Variants in HAUS6 observed in about 807,000 individuals in gnomAD.
HAUS6 encodes HAUS augmin like complex subunit 6.
HAUS6 carries 80 observed loss-of-function variants against 106.8 expected under a neutral mutation model. That is an observed-to-expected ratio of 0.75 (90% CI 0.63 to 0.90). The LOEUF is 0.90. Ranked by LOEUF, HAUS6 falls within the 40% of genes least tolerant of loss-of-function variation. The probability of loss-of-function intolerance (pLI) is 0.00; values close to 1 mark genes in which losing one functional copy is unlikely to be tolerated. For synonymous variants in HAUS6, 356 were observed against 379.1 expected, an observed-to-expected ratio of 0.94 and a Z score of 0.71; for missense variants, 1,155 against 1,118.1, an observed-to-expected ratio of 1.03 and a Z score of -0.47.
chr9:19,101,999 A>G (rs1817998535), intron 1 of HAUS6, among the ~76,000 whole-genome samples: 1 of 152,200 alleles, frequency 6.6e-6, no homozygotes, highest in South Asian at 2.1e-4. Flanking sequence ...AGAAGTGGAA[A>G]AAGTAGGGAA....
Position 19,089,429 on chromosome 9 carries a change from T to G in HAUS6, c.567A>C (p.Lys189Asn). Reference sequence around the variant, plus strand: ...CTACTTACTGTGCATTTTCCTGATATTTTTGGGTAACACAATCTTGTCTTT... The same window carrying G: ...CTACTTACTGTGCATTTTCCTGATAGTTTTGGGTAACACAATCTTGTCTTT... The part of the protein sequence containing the change: ...ILQRQDCVTQ[K>N]YQENAQLSVK... Residue 189 changes from lysine (K) to asparagine (N), a missense_variant, in exon 5 of 17, where the codon AAA becomes AAC. Transcript: ENST00000380502. The G allele has an allele frequency of 6.2e-7, 1 of 1,608,174 alleles. No homozygotes were observed. Among genetic ancestry groups the G allele is most frequent in the Non-Finnish European group, 8.5e-7 (1 of 1,174,662 alleles).
intron 12 of HAUS6, among the ~76,000 whole-genome samples, chr9:19,063,959 T>A (rs934628926): frequency 7.5e-6 from 1 of 132,840 alleles, no homozygotes; most frequent in African/African-American, 3.3e-5. Context: ...TTGTAGCAGA[T>A]CCTTTATTTT....
intron 1 of HAUS6, among the ~76,000 whole-genome samples, chr9:19,099,127 A>C (rs1817928707): frequency 6.6e-6 from 1 of 151,456 alleles, no homozygotes; most frequent in African/African-American, 2.4e-5. Context: ...TATAAAATGT[A>C]AGTGAATAAA....
rs962134133 is a variant in HAUS6, at chr9:19,078,179, A to G, written c.1188T>C (p.Thr396=). ...LSPFSLIKGW[T]PSVDLLPPMS... is the part of the protein sequence containing the mutation. ...GGGGCAAGTCAACATTACTTACTGGAGTCCAACCTTTAATTAGACTGAAAG... is the reference window on the plus strand; with the variant it reads ...GGGGCAAGTCAACATTACTTACTGGGGTCCAACCTTTAATTAGACTGAAAG... The change falls in exon 10 of 17, where the codon ACT becomes ACC. Residue 396 remains threonine, a synonymous_variant. Transcript: ENST00000380502. 8.7e-6 allele frequency: 14 copies of G among 1,606,678 alleles called. No homozygotes were observed. The highest frequency in any genetic ancestry group is 1.2e-5 in the Non-Finnish European group (14 of 1,176,810).
At chr9:19,085,568 C>T (rs918537293) in intron 7 of HAUS6, among the ~76,000 whole-genome samples, 1 of 149,358 alleles carries the variant, frequency 6.7e-6, no homozygotes, top group African/African-American at 2.5e-5. Flanking sequence ...AGCAGCTTGG[C>T]ATGGCAATCA....
rs115871347 is a variant in HAUS6 at position 19,096,998 on chromosome 9, G to A, written c.129-229C>T. On this transcript the variant is annotated intron_variant, in intron 1 of 16. Coordinates refer to ENST00000380502, the MANE Select transcript of HAUS6 (RefSeq NM_017645.5). The stretch of plus-strand genomic sequence containing the variant: ...GATTCAATATAAGACTGGCAGAACT[G>A]GCTTTAATGAAAACACTCTACAGAA... Among the ~76,000 whole-genome samples, 1,012 of 152,160 alleles carry A rather than the reference G, an allele frequency of 6.7e-3. 11 individuals are homozygous for A. Among genetic ancestry groups the A allele is most frequent in the African/African-American group, 0.023 (942 of 41,488 alleles).
At chr9:19,060,860 A>G (rs552664940) in intron 14 of HAUS6, among the ~76,000 whole-genome samples, 88 of 152,324 alleles carry the variant, frequency 5.8e-4, no homozygotes, top group African/African-American at 2.0e-3. Context: ...TCTTGAAGCC[A>G]TAATTAAATT....
In HAUS6 at chr9:19,096,700, G is replaced by A; in HGVS notation, c.198C>T (p.Asp66=). The change falls in exon 2 of 17, where the codon GAC becomes GAT. Residue 66 remains aspartate, a synonymous_variant. Transcript: ENST00000380502. ...TGAAAACTTCTTTGGTGAGAGACTG[G>A]TCCAGAACTTGAAACAAAAAATAAG... ...IISYFLFQVL[D]QSLTKEVFKF... 4 of 1,526,834 alleles carry A rather than the reference G, an allele frequency of 2.6e-6. No homozygotes were observed. The highest frequency in any genetic ancestry group is 3.6e-6 in the Non-Finnish European group (4 of 1,121,160). 94.6% of individuals were successfully genotyped at this position (1,526,834 alleles called of 1,614,324 possible).
intron 3 of HAUS6, among the ~76,000 whole-genome samples, chr9:19,094,114 T>C (rs1014257857): frequency 1.3e-5 from 2 of 152,196 alleles, no homozygotes; most frequent in African/African-American, 4.8e-5. Context: ...CTATTTTCAG[T>C]ACACCTGGCC....
At chr9:19,071,855 C>T (rs905584180) in intron 11 of HAUS6, among the ~76,000 whole-genome samples, 17 of 152,032 alleles carry the variant, frequency 1.1e-4, no homozygotes, top group African/African-American at 3.9e-4. Flanking sequence ...CAGGCGTGAG[C>T]CACCACGCCC....
Position 19,080,529 on chromosome 9 carries a change from T to C in HAUS6, c.1014A>G (p.Glu338=), listed in dbSNP as rs929786099. 4 of 1,609,770 alleles carry C rather than the reference T, an allele frequency of 2.5e-6. No homozygotes were observed. Among genetic ancestry groups the C allele is most frequent in the Non-Finnish European group, 2.5e-6 (3 of 1,177,726 alleles). The part of the protein sequence containing the change: ...ARLTVDLHYL[E]KETKFQKERL... ...TTTCCTTCTGAAATTTGGTCTCTTTTTCAAGGTAGTGAAGGTCTACCGTCA... is the reference window on the plus strand; with the variant it reads ...TTTCCTTCTGAAATTTGGTCTCTTTCTCAAGGTAGTGAAGGTCTACCGTCA... Residue 338 remains glutamate (E), a synonymous_variant, in exon 9 of 17, where the codon GAA becomes GAG. Coordinates refer to ENST00000380502, the MANE Select transcript of HAUS6 (RefSeq NM_017645.5).
chr9:19,090,042 T>C (rs1472652386), intron 4 of HAUS6, among the ~76,000 whole-genome samples: 1 of 151,982 alleles, frequency 6.6e-6, no homozygotes, highest in Admixed American at 6.6e-5. Flanking sequence ...TCTGAAGGTG[T>C]TGCCCAGGCT....
chr9:19,058,405 T>C lies in HAUS6; in HGVS notation c.2362A>G (p.Ser788Gly). 6.2e-7 allele frequency: 1 copy of C among 1,613,736 alleles called. No individual in the cohort carries two copies. The highest frequency in any genetic ancestry group is 8.5e-7 in the Non-Finnish European group (1 of 1,179,714). ...TCTGAACTACTGGAACTATTAAAACTTAGATGACCAACTTCTTCCGGGAGA... is the reference window on the plus strand; with the variant it reads ...TCTGAACTACTGGAACTATTAAAACCTAGATGACCAACTTCTTCCGGGAGA... ...ETLPEEVGHL[S>G]FNSSSSSEAN... Residue 788 changes from serine (S) to glycine (G), a missense_variant, in exon 16 of 17, where the codon AGT (serine) becomes GGT (glycine). Physicochemically the swap from Ser to Gly is moderately conservative, Grantham distance 56. Transcript: ENST00000380502.
intron 1 of HAUS6, among the ~76,000 whole-genome samples, chr9:19,100,066 G>T (rs996714236): frequency 2.0e-5 from 3 of 152,216 alleles, no homozygotes; most frequent in Admixed American, 2.0e-4. Flanking sequence ...GTGGTGGCAG[G>T]CGCCTGTATT....
At chr9:19,077,241 G>A (rs895662006) in intron 10 of HAUS6, among the ~76,000 whole-genome samples, 3 of 152,202 alleles carry the variant, frequency 2.0e-5, no homozygotes, top group Admixed American at 2.0e-4. Context: ...ATCAAGAGGA[G>A]TCTTGTTTTC....
In HAUS6 at chr9:19,094,005, T is replaced by C. The variant is rs138528946; in HGVS notation, c.303+312A>G. 4.1e-3 allele frequency among the ~76,000 whole-genome samples: 617 copies of C among 152,304 alleles called. 2 individuals are homozygous for C. Among genetic ancestry groups the C allele is most frequent in the African/African-American group, 0.014 (592 of 41,566 alleles). On this transcript the variant is annotated intron_variant, in intron 3 of 16. Transcript: ENST00000380502. The stretch of plus-strand genomic sequence containing the variant: ...AACAATTATAATGATACAGACACAA[T>C]CATTGATACTATCTGGGCAAACAAA...
intron 1 of HAUS6, among the ~76,000 whole-genome samples, chr9:19,101,871 G>A (rs1817995801): frequency 6.6e-6 from 1 of 152,318 alleles, no homozygotes; most frequent in East Asian, 1.9e-4. Context: ...AGTGAGCCGA[G>A]ATCGTGCCAC....
chr9:19,060,318 A>G, intron 14 of HAUS6, 95 bp from the exon 15 acceptor site: 2 of 945,100 alleles, frequency 2.1e-6, no homozygotes, highest in East Asian at 2.7e-5. Context: ...CTTCACAGTC[A>G]GCAGCCCCTC....
chr9:19,087,566 G>C (rs1308633093), intron 5 of HAUS6, among the ~76,000 whole-genome samples: 1 of 152,038 alleles, frequency 6.6e-6, no homozygotes, highest in East Asian at 1.9e-4. Flanking sequence ...TTGCAAAAAA[G>C]AAATTAGGCC....
Sources: allele counts gnomAD v4.1 joint callset (sites outside exome capture counted in the v4.1 genomes callset), GRCh38; gene constraint gnomAD v4.1.1; transcripts MANE v1.5; gene names NCBI Gene and HGNC (gene_info 2026-07-23, HGNC 2026-07-21).